The following NT5M variants were observed in gnomAD, a reference collection of about 807,000 sequenced individuals.
NT5M encodes 5',3'-nucleotidase, mitochondrial, also known as 5'(3')-deoxyribonucleotidase, mitochondrial.
NT5M carries 22 observed loss-of-function variants against 22.2 expected under a neutral mutation model. That is an observed-to-expected ratio of 0.99 (90% CI 0.71 to 1.41). The LOEUF (loss-of-function observed/expected upper bound fraction) is 1.41, where lower values mean the gene tolerates loss of function less well. NT5M is among the 40% of genes most tolerant of loss of function. The probability of loss-of-function intolerance (pLI) is 0.00; values close to 1 mark genes in which losing one functional copy is unlikely to be tolerated. For missense variants in NT5M, 322 were observed against 314.8 expected, an observed-to-expected ratio of 1.02 and a Z score of -0.17; for synonymous variants, 167 against 133.0, an observed-to-expected ratio of 1.26 and a Z score of -1.76.
rs1423899619 is a variant in NT5M at position 17,303,486 on chromosome 17, G to A, written c.-65G>A. The stretch of plus-strand genomic sequence containing the variant: ...CTTCTCCTCCGCGGCGGGAATGTCT[G>A]GCCGGCTCCGGCAGCACGGCGCGGC... On this transcript the variant is annotated 5_prime_UTR_variant, in exon 1 of 5. Transcript: ENST00000389022. 6.6e-5 allele frequency: 67 copies of A among 1,017,784 alleles called. No individual in the cohort carries two copies. The highest frequency in any genetic ancestry group is 7.7e-5 in the Non-Finnish European group (66 of 852,446). 63.0% of individuals were successfully genotyped at this position (1,017,784 alleles called of 1,614,324 possible).
At chr17:17,343,971 G>C (rs2049702640) in intron 3 of NT5M, among the ~76,000 whole-genome samples, 1 of 152,152 alleles carries the variant, frequency 6.6e-6, no homozygotes, top group Non-Finnish European at 1.5e-5. Flanking sequence ...GGCTGCACTG[G>C]GGTGGTGAGA....
intron 2 of NT5M, among the ~76,000 whole-genome samples, chr17:17,321,333 C>T (rs548889616): frequency 6.6e-6 from 1 of 151,900 alleles, no homozygotes; most frequent in African/African-American, 2.4e-5. Flanking sequence ...GGATAGCAAG[C>T]GGGTATTGCA....
intron 2 of NT5M, among the ~76,000 whole-genome samples, chr17:17,319,883 G>C (rs928328432): frequency 6.6e-6 from 1 of 152,182 alleles, no homozygotes; most frequent in Non-Finnish European, 1.5e-5. Flanking sequence ...TCGCTCTGTC[G>C]TCAGGCTGGA....
chr17:17,303,702 G>A lies in NT5M; in HGVS notation c.152G>A (p.Gly51Asp). 1 of 1,590,070 alleles carries A rather than the reference G, an allele frequency of 6.3e-7. No individual in the cohort carries two copies. Residue 51 changes from glycine to aspartate, a missense_variant, in exon 1 of 5, where the codon GGC becomes GAC. Gly to Asp is a moderately conservative substitution (Grantham distance 94, BLOSUM62 -1). Coordinates refer to ENST00000389022, the MANE Select transcript of NT5M (RefSeq NM_020201.4). ...DMDGVLADFE[G>D]GFLRKFRARF... ...GACGGCGTGCTGGCTGACTTCGAGGGCGGATTCCTCAGGAAGTTCCGCGCG... is the reference window on the plus strand; with the variant it reads ...GACGGCGTGCTGGCTGACTTCGAGGACGGATTCCTCAGGAAGTTCCGCGCG...
intron 2 of NT5M, among the ~76,000 whole-genome samples, chr17:17,321,715 G>A (rs961106869): frequency 6.6e-6 from 1 of 151,830 alleles, no homozygotes; most frequent in African/African-American, 2.4e-5. Flanking sequence ...GGATAGCTGG[G>A]CTCCTTCAGG....
chr17:17,330,776 T>C (rs1297737744), intron 3 of NT5M, among the ~76,000 whole-genome samples: 2 of 138,558 alleles, frequency 1.4e-5, no homozygotes, highest in Non-Finnish European at 3.1e-5. Context: ...GGAGTCTCAC[T>C]TTGTCACCCA....
intron 2 of NT5M, among the ~76,000 whole-genome samples, chr17:17,316,635 C>G (rs926402879): frequency 6.6e-6 from 1 of 152,074 alleles, no homozygotes; most frequent in East Asian, 1.9e-4. Flanking sequence ...CTCGGCCTCC[C>G]GAAGTGCTGG....
intron 3 of NT5M, among the ~76,000 whole-genome samples, chr17:17,340,839 G>A (rs866249571): frequency 1.3e-5 from 2 of 151,930 alleles, no homozygotes; most frequent in Middle Eastern, 3.5e-3. Context: ...TTGTTTTTCT[G>A]TTTCTTTAGG....
chr17:17,310,595 G>T (rs564702678), intron 2 of NT5M, among the ~76,000 whole-genome samples: 19 of 152,300 alleles, frequency 1.2e-4, no homozygotes, highest in South Asian at 6.2e-4. Context: ...TCAGCACTTG[G>T]CAGGCCGAGG....
chr17:17,307,589 T>C (rs9903425), intron 2 of NT5M, among the ~76,000 whole-genome samples: 7 of 10,044 alleles, frequency 7.0e-4, no homozygotes, highest in Non-Finnish European at 1.5e-3. Context: ...GGTACGGTGG[T>C]TCACGCCTGT....
At chr17:17,333,156 G>T (rs1033159491) in intron 3 of NT5M, among the ~76,000 whole-genome samples, 3 of 152,150 alleles carry the variant, frequency 2.0e-5, no homozygotes, top group Non-Finnish European at 4.4e-5. Flanking sequence ...TTTCTGTAAC[G>T]AAATGTTCAA....
intron 2 of NT5M, among the ~76,000 whole-genome samples, chr17:17,321,183 TTGAA>T (rs1029187204): frequency 1.2e-4 from 18 of 151,640 alleles, no homozygotes; most frequent in African/African-American, 4.1e-4. Context: ...CAGCACGTGT[TTGAA>T]TGAGGAGTCA....
rs1261933097 is a variant in NT5M, at chr17:17,303,621, C to CGGCGGGCGGGCTGGGCCT, written c.78_95dup (p.Leu28_Gly33dup). 54 of 1,299,296 alleles carry CGGCGGGCGGGCTGGGCCT rather than the reference C, an allele frequency of 4.2e-5. 2 individuals carry two copies. The Admixed American group carries it at 5.6e-4, about 13-fold the overall frequency. 80.5% of individuals were successfully genotyped at this position (1,299,296 alleles called of 1,614,324 possible). On this transcript the variant is annotated inframe_insertion, in exon 1 of 5. Transcript: ENST00000389022. ...GCGGTTCCCGCGGGGCGGCGCGGGG[C>CGGCGGGCGGGCTGGGCCT]GGCGGGCGGGCTGGGCCTGGCGGGA...
intron 4 of NT5M, 123 bp downstream of exon 4, chr17:17,345,031 T>G: frequency 7.1e-7 from 1 of 1,409,662 alleles, no homozygotes; most frequent in Non-Finnish European, 9.6e-7. Flanking sequence ...TGCCAGGCAC[T>G]GAGCCCCTCC....
chr17:17,322,450 G>A (rs1414453042), intron 2 of NT5M, among the ~76,000 whole-genome samples: 2 of 152,158 alleles, frequency 1.3e-5, no homozygotes, highest in Admixed American at 1.3e-4. Flanking sequence ...TGCGTGGTTG[G>A]TGGAGGTAGT....
chr17:17,334,478 G>GTTTT (rs35096596), intron 3 of NT5M, among the ~76,000 whole-genome samples: 3 of 120,026 alleles, frequency 2.5e-5, no homozygotes, highest in Non-Finnish European at 3.4e-5. Flanking sequence ...AGTTACTGTA[G>GTTTT]TTTTTTTTTT....
intron 2 of NT5M, among the ~76,000 whole-genome samples, chr17:17,320,348 G>A (rs1272694639): frequency 6.6e-6 from 1 of 152,094 alleles, no homozygotes; most frequent in Non-Finnish European, 1.5e-5. Flanking sequence ...AGTGGGAGAC[G>A]ACTCAGTTTG....
rs1160261128 is a variant in NT5M, at chr17:17,323,177, G to A, written c.369-8G>A. On this transcript the variant is annotated splice_polypyrimidine_tract_variant and splice_region_variant and intron_variant, in intron 2 of 4. Transcript: ENST00000389022. ...CTGCAGGCTCAACCTCCTTTCTCTT[G>A]TTGACAGCACTGACGTCTTCATCTG... 5.6e-6 allele frequency: 9 copies of A among 1,613,756 alleles called. No individual in the cohort carries two copies. The East Asian group carries it at 1.3e-4, about 24-fold the overall frequency.
intron 3 of NT5M, among the ~76,000 whole-genome samples, chr17:17,334,483 T>TG (rs1387878997): frequency 6.7e-6 from 1 of 149,196 alleles, no homozygotes; most frequent in African/African-American, 2.5e-5. Flanking sequence ...CTGTAGTTTT[T>TG]TTTTTTTTTT....
Sources: allele counts gnomAD v4.1 joint callset (sites outside exome capture counted in the v4.1 genomes callset), GRCh38; gene constraint gnomAD v4.1.1; transcripts MANE v1.5; gene names NCBI Gene and HGNC (gene_info 2026-07-23, HGNC 2026-07-21).